Variants in PKD2L1 observed in about 807,000 individuals in gnomAD.
The protein encoded by PKD2L1 is polycystin 2 like 1, transient receptor potential cation channel.
PKD2L1 carries 77 observed loss-of-function variants against 93.0 expected under a neutral mutation model. The observed-to-expected ratio is 0.83, with a 90% CI of 0.69 to 1.00. PKD2L1 has a LOEUF of 1.00. Ranked by LOEUF, PKD2L1 falls within the 50% of genes least tolerant of loss-of-function variation. PKD2L1 has a pLI of 0.00. For missense variants in PKD2L1, 977 were observed against 990.9 expected, an observed-to-expected ratio of 0.99 and a Z score of 0.19; for synonymous variants, 390 against 388.0, an observed-to-expected ratio of 1.01 and a Z score of -0.06.
chr10:100,319,349 G>A (rs948971463), intron 2 of PKD2L1, among the ~76,000 whole-genome samples: 1 of 152,148 alleles, frequency 6.6e-6, no homozygotes, highest in South Asian at 2.1e-4. Context: ...CCAAAGATGC[G>A]TGGCTAATAA....
At chr10:100,307,619 C>T (rs779985618) in intron 2 of PKD2L1, among the ~76,000 whole-genome samples, 2 of 152,182 alleles carry the variant, frequency 1.3e-5, no homozygotes, top group African/African-American at 2.4e-5. Context: ...GTGATCGTGA[C>T]ATTGCATTCC....
chr10:100,296,539 G>A (rs1282820717), intron 6 of PKD2L1, among the ~76,000 whole-genome samples: 1 of 152,152 alleles, frequency 6.6e-6, no homozygotes, highest in Non-Finnish European at 1.5e-5. Flanking sequence ...GATTGTAAAG[G>A]GCTGTAGGGA....
intron 2 of PKD2L1, among the ~76,000 whole-genome samples, chr10:100,311,035 G>T (rs964257858): frequency 5.3e-5 from 8 of 152,166 alleles, no homozygotes; most frequent in Admixed American, 3.9e-4. Context: ...CTGGCCAGAA[G>T]CTCCAATTTT....
intron 7 of PKD2L1, among the ~76,000 whole-genome samples, chr10:100,295,909 G>C (rs1310960712): frequency 6.6e-6 from 1 of 151,342 alleles, no homozygotes; most frequent in Admixed American, 6.6e-5. Context: ...GGTGGTGGGT[G>C]CCTGTAGTCC....
chr10:100,294,521 A>G lies in PKD2L1; in HGVS notation c.1659+14T>C. On this transcript the variant is annotated intron_variant, in intron 9 of 15. Coordinates refer to ENST00000318222, the MANE Select transcript of PKD2L1 (RefSeq NM_016112.3). The stretch of plus-strand genomic sequence containing the variant: ...CAGGCTCTCTATGTCCCCACCCCTC[A>G]GAGAGACCCTCACCAGGAGCACGAA... 3 of 1,614,038 alleles carry G rather than the reference A, an allele frequency of 1.9e-6. No homozygotes were observed.
At chr10:100,326,962 G>A (rs1849393283) in intron 2 of PKD2L1, among the ~76,000 whole-genome samples, 1 of 152,144 alleles carries the variant, frequency 6.6e-6, no homozygotes, top group South Asian at 2.1e-4. Context: ...AGATGACCAA[G>A]GGCAAGCTAT....
chr10:100,305,993 G>A (rs1407711853), intron 2 of PKD2L1, among the ~76,000 whole-genome samples: 1 of 151,980 alleles, frequency 6.6e-6, no homozygotes, highest in Non-Finnish European at 1.5e-5. Context: ...TATCAGCCTG[G>A]GCAACGTGGC....
chr10:100,288,387 G>A lies in PKD2L1; in HGVS notation c.*9C>T, dbSNP rs1372474082. 6.3e-7 allele frequency: 1 copy of A among 1,579,402 alleles called. No individual in the cohort carries two copies. The highest frequency in any genetic ancestry group is 8.7e-7 in the Non-Finnish European group (1 of 1,148,322). ...CCTTCATAGACTTTGCTCCGGGAGT[G>A]CCTCACACTTAACTCCTCTGCAACG... On this transcript the variant is annotated 3_prime_UTR_variant, in exon 16 of 16. Transcript: ENST00000318222.
chr10:100,292,658 A>G (rs554932653), intron 11 of PKD2L1, among the ~76,000 whole-genome samples: 8 of 152,250 alleles, frequency 5.3e-5, no homozygotes, highest in Non-Finnish European at 8.8e-5. Flanking sequence ...CAAAAATCAG[A>G]GTTTTGTGGG....
chr10:100,293,322 C>T lies in PKD2L1; in HGVS notation c.1717G>A (p.Gly573Arg), dbSNP rs1307172807. The change falls in exon 10 of 16, where the codon GGA becomes AGA. Residue 573 changes from glycine to arginine, a missense_variant. Transcript: ENST00000318222. ...TYSEVKEELA[G>R]QKDELQLSDL... ...GAAAGTTGCAGCTCATCCTTCTGTC[C>T]AGCCAGCTCCTCCTTGACCTCTGAA... 9 of 1,613,656 alleles carry T rather than the reference C, an allele frequency of 5.6e-6. No individual in the cohort carries two copies. The highest frequency in any genetic ancestry group is 7.6e-6 in the Non-Finnish European group (9 of 1,179,640).
At chr10:100,316,710 A>G (rs560086374) in intron 2 of PKD2L1, among the ~76,000 whole-genome samples, 121 of 152,352 alleles carry the variant, frequency 7.9e-4, no homozygotes, top group Admixed American at 1.6e-3. Context: ...TTGTTCTCAG[A>G]ACCCCTTTGC....
At position 100,299,592 on chromosome 10, in the gene PKD2L1, T is replaced by A. The variant is rs1423398331; in HGVS notation, c.476A>T (p.Asp159Val). ...QAISSMADFW[D>V]FAQGPLLDSL... is the part of the protein sequence containing the mutation. ...GGGTAGAAAAGATCTTATACTCACA[T>A]CCCAGAAGTCCGCCATGCTGCTGAT... Residue 159 changes from aspartate to valine, a missense_variant and splice_region_variant, in exon 3 of 16, where the codon GAT becomes GTT. Coordinates refer to ENST00000318222, the MANE Select transcript of PKD2L1 (RefSeq NM_016112.3). The A allele has an allele frequency of 6.2e-7, 1 of 1,613,730 alleles. No individual in the cohort carries two copies. Among genetic ancestry groups the A allele is most frequent in the East Asian group, 2.2e-5 (1 of 44,890 alleles).
chr10:100,303,793 C>T (rs1848740026), intron 2 of PKD2L1, among the ~76,000 whole-genome samples: 1 of 152,150 alleles, frequency 6.6e-6, no homozygotes, highest in African/African-American at 2.4e-5. Context: ...TGGGGTCCCG[C>T]TGGAAATCAA....
chr10:100,293,845 C>T (rs867140295), intron 9 of PKD2L1, among the ~76,000 whole-genome samples: 1 of 152,190 alleles, frequency 6.6e-6, no homozygotes, highest in Non-Finnish European at 1.5e-5. Flanking sequence ...CACTGGCCTA[C>T]ACCTGTAATC....
intron 2 of PKD2L1, among the ~76,000 whole-genome samples, chr10:100,319,415 C>T (rs1049308872): frequency 6.6e-6 from 1 of 152,222 alleles, no homozygotes; most frequent in African/African-American, 2.4e-5. Flanking sequence ...ACGCTCTTTC[C>T]ATTATACAAC....
chr10:100,293,421 C>A, intron 9 of PKD2L1, 42 bp from the exon 10 acceptor site: 1 of 1,289,648 alleles, frequency 7.8e-7, no homozygotes, highest in South Asian at 1.2e-5. Flanking sequence ...CCCCCAGACC[C>A]ACTGAAAGGA....
intron 3 of PKD2L1, among the ~76,000 whole-genome samples, chr10:100,299,182 A>G (rs1481734753): frequency 6.6e-6 from 1 of 152,082 alleles, no homozygotes; most frequent in Non-Finnish European, 1.5e-5. Context: ...GTCTTGAACA[A>G]CTGACCTCAG....
chr10:100,329,087 A>G (rs1589687529), intron 2 of PKD2L1, 124 bp downstream of exon 2: 1 of 814,636 alleles, frequency 1.2e-6, no homozygotes, highest in African/African-American at 1.7e-5. Flanking sequence ...AAGTTCCCGG[A>G]TATAGCCTGC....
At chr10:100,314,584 T>A (rs1355636599) in intron 2 of PKD2L1, among the ~76,000 whole-genome samples, 1 of 152,166 alleles carries the variant, frequency 6.6e-6, no homozygotes, top group Non-Finnish European at 1.5e-5. Flanking sequence ...CCATTAGCCA[T>A]CAGCACTTTA....
Sources: allele counts gnomAD v4.1 joint callset (sites outside exome capture counted in the v4.1 genomes callset), GRCh38; gene constraint gnomAD v4.1.1; transcripts MANE v1.5; gene names NCBI Gene and HGNC (gene_info 2026-07-23, HGNC 2026-07-21).